Variants in ROBO2 observed in about 807,000 individuals in gnomAD.
ROBO2 encodes the protein roundabout homolog 2.
In ROBO2, 53 loss-of-function variants were observed where a neutral mutation model predicts 160.8. The observed-to-expected ratio is 0.33, with a 90% CI of 0.26 to 0.41. The LOEUF (loss-of-function observed/expected upper bound fraction) is 0.41. Among genes scored for constraint, ROBO2 ranks in the 10% least tolerant of loss-of-function variants. The probability of loss-of-function intolerance (pLI) is 1.00; values close to 1 mark genes in which losing one functional copy is unlikely to be tolerated. For synonymous variants in ROBO2, 664 were observed against 611.7 expected (o/e 1.09, Z -1.26); for missense variants, 1,577 against 1,722.4 (o/e 0.92, Z 1.49).
At chr3:77,284,466 C>T (rs1432475658) in intron 2 of ROBO2, among the ~76,000 whole-genome samples, 1 of 152,118 alleles carries the variant, frequency 6.6e-6, no homozygotes, top group Non-Finnish European at 1.5e-5. Flanking sequence ...GCCTCGTTCA[C>T]AATAGGTCTG....
At chr3:76,409,615 G>T (rs1319638972) in intron 2 of ROBO2, among the ~76,000 whole-genome samples, 12 of 152,046 alleles carry the variant, frequency 7.9e-5, no homozygotes. Context: ...AGGAACAGGT[G>T]CAGTAACTTG....
At chr3:76,550,094 A>G (rs2083325895) in intron 2 of ROBO2, among the ~76,000 whole-genome samples, 1 of 152,108 alleles carries the variant, frequency 6.6e-6, no homozygotes, top group Admixed American at 6.5e-5. Flanking sequence ...GTTGCTTTTT[A>G]TTGCTTTACT....
chr3:76,819,454 G>C (rs2065937624), intron 2 of ROBO2, among the ~76,000 whole-genome samples: 1 of 152,034 alleles, frequency 6.6e-6, no homozygotes, highest in Admixed American at 6.6e-5. Flanking sequence ...GGGGTAGCAG[G>C]ACTCTGAGTG....
At chr3:76,761,800 T>C (rs943502059) in intron 2 of ROBO2, among the ~76,000 whole-genome samples, 2 of 151,680 alleles carry the variant, frequency 1.3e-5, no homozygotes, top group Admixed American at 6.6e-5. Context: ...GTTTTGACCT[T>C]GGGATATTTA....
At chr3:76,216,368 T>C (rs1485428622) in intron 2 of ROBO2, among the ~76,000 whole-genome samples, 2 of 152,016 alleles carry the variant, frequency 1.3e-5, no homozygotes, top group Admixed American at 6.6e-5. Context: ...AGACTGCAAA[T>C]TGGATAAAGA....
At chr3:77,293,973 G>A (rs201732304) in intron 2 of ROBO2, among the ~76,000 whole-genome samples, 2 of 143,818 alleles carry the variant, frequency 1.4e-5, no homozygotes, top group African/African-American at 5.3e-5. Context: ...GATCACCCCA[G>A]ACATAAAGTA....
chr3:76,402,029 A>G (rs1354841251), intron 2 of ROBO2, among the ~76,000 whole-genome samples: 1 of 151,580 alleles, frequency 6.6e-6, no homozygotes, highest in Non-Finnish European at 1.5e-5. Context: ...TGCTTGAACA[A>G]ATATAAGCCT....
At chr3:76,929,727 A>G (rs890286552) in intron 2 of ROBO2, among the ~76,000 whole-genome samples, 53 of 151,986 alleles carry the variant, frequency 3.5e-4, no homozygotes, top group Admixed American at 3.5e-3. Flanking sequence ...GTGTCTGTGA[A>G]TCTCAGGGAA....
chr3:77,588,869 G>C, exon 17 of ROBO2: 1 of 1,613,614 alleles, frequency 6.2e-7, no homozygotes, highest in Admixed American at 1.7e-5. Context: ...GGGTAATTCT[G>C]ATGGGTTTTA....
At chr3:76,805,661 T>C (rs2108911521) in intron 2 of ROBO2, among the ~76,000 whole-genome samples, 1 of 119,652 alleles carries the variant, frequency 8.4e-6, no homozygotes, top group South Asian at 3.0e-4. Context: ...CTCTTAATTC[T>C]ATTGGAATAC....
intron 2 of ROBO2, among the ~76,000 whole-genome samples, chr3:76,816,293 T>C (rs2065659708): frequency 6.6e-6 from 1 of 152,102 alleles, no homozygotes; most frequent in Admixed American, 6.6e-5. Context: ...TGAAGTAACG[T>C]ATTTATAAAA....
chr3:77,001,117 T>C (rs1031173735), intron 2 of ROBO2, among the ~76,000 whole-genome samples: 7 of 152,136 alleles, frequency 4.6e-5, no homozygotes, highest in African/African-American at 1.7e-4. Context: ...GAAGCAACAG[T>C]ATAGTTCCAC....
chr3:76,165,341 T>G (rs943316443), intron 2 of ROBO2, among the ~76,000 whole-genome samples: 1 of 84,916 alleles, frequency 1.2e-5, no homozygotes, highest in Non-Finnish European at 3.6e-5. Flanking sequence ...TTCTGCTGGC[T>G]TCCCATTTTT....
At chr3:76,068,072 G>A (rs1480646461) in intron 2 of ROBO2, among the ~76,000 whole-genome samples, 1 of 152,170 alleles carries the variant, frequency 6.6e-6, no homozygotes, top group African/African-American at 2.4e-5. Context: ...ACGGTTACAA[G>A]GTCAGGAAAG....
intron 2 of ROBO2, among the ~76,000 whole-genome samples, chr3:76,869,340 A>ATAT (rs1178461363): frequency 9.2e-6 from 1 of 108,140 alleles, no homozygotes; most frequent in African/African-American, 3.6e-5. Context: ...GTAGAAATTG[A>ATAT]TGTTTTTTTT....
intron 2 of ROBO2, among the ~76,000 whole-genome samples, chr3:76,091,898 A>T (rs1464453478): frequency 2.0e-5 from 3 of 152,198 alleles, no homozygotes; most frequent in East Asian, 3.9e-4. Context: ...GTAAAAAAAG[A>T]TCAGTAGTTA....
chr3:76,184,133 C>T (rs1310310444), intron 2 of ROBO2, among the ~76,000 whole-genome samples: 7 of 152,060 alleles, frequency 4.6e-5, no homozygotes, highest in Non-Finnish European at 1.0e-4. Flanking sequence ...GTATTTGGTT[C>T]ACGTGTGTGT....
At chr3:76,076,612 G>T (rs1022774196) in intron 2 of ROBO2, among the ~76,000 whole-genome samples, 2 of 152,090 alleles carry the variant, frequency 1.3e-5, no homozygotes, top group African/African-American at 4.8e-5. Context: ...TATAGAAATT[G>T]CATTACACTT....
chr3:76,995,578 G>T (rs1342156532), intron 2 of ROBO2, among the ~76,000 whole-genome samples: 2 of 152,136 alleles, frequency 1.3e-5, no homozygotes, highest in African/African-American at 4.8e-5. Flanking sequence ...CAGTGTAAAA[G>T]TGTTCCTATT....
Sources: allele counts gnomAD v4.1 joint callset (sites outside exome capture counted in the v4.1 genomes callset), GRCh38; gene constraint gnomAD v4.1.1; transcripts MANE v1.5; gene names NCBI Gene and HGNC (gene_info 2026-07-23, HGNC 2026-07-21).